TENM2: variants seen among roughly 807,000 people sequenced by gnomAD.
TENM2 encodes teneurin transmembrane protein 2, also known as teneurin-2.
Under a neutral mutation model 245.2 loss-of-function variants are expected in TENM2, and 52 were observed. The ratio of observed to expected loss-of-function variants is 0.21; its 90% CI spans 0.17 to 0.27. TENM2 has a LOEUF of 0.27. Ranked by LOEUF, TENM2 falls within the 10% of genes least tolerant of loss-of-function variation. The pLI is 1.00. For missense variants in TENM2, 3,046 were observed against 3,666.8 expected, an observed-to-expected ratio of 0.83 and a Z score of 4.37; for synonymous variants, 1,363 against 1,438.9, an observed-to-expected ratio of 0.95 and a Z score of 1.19.
At chr5:168,180,039 G>C (rs1759726993) in intron 13 of TENM2, among the ~76,000 whole-genome samples, 1 of 152,204 alleles carries the variant, frequency 6.6e-6, no homozygotes, top group Non-Finnish European at 1.5e-5. Flanking sequence ...GAACTGATAT[G>C]CTAGTAGTAC....
the TENM2 span, among the ~76,000 whole-genome samples, chr5:167,161,251 A>G: frequency 6.6e-6 from 1 of 152,198 alleles, no homozygotes; most frequent in East Asian, 1.9e-4. Context: ...CATGAAAATA[A>G]TATTTTGTGG....
chr5:168,064,880 G>T (rs1257925185), intron 7 of TENM2, among the ~76,000 whole-genome samples: 1 of 152,166 alleles, frequency 6.6e-6, no homozygotes, highest in Admixed American at 6.5e-5. Context: ...AAGAAAGAAA[G>T]AAAAAGACTC....
the TENM2 span, among the ~76,000 whole-genome samples, chr5:167,190,669 T>G: frequency 6.6e-6 from 1 of 152,130 alleles, no homozygotes; most frequent in Non-Finnish European, 1.5e-5. Context: ...ATAATACAAT[T>G]TCTAGGTCTA....
intron 2 of TENM2, among the ~76,000 whole-genome samples, chr5:167,493,130 C>A (rs984374014): frequency 2.4e-4 from 36 of 151,934 alleles, no homozygotes; most frequent in Admixed American, 2.4e-3. Context: ...ATCATTCATT[C>A]AAGAAACCTT....
At position 167,416,130 on chromosome 5, in the gene TENM2, C is replaced by T. The variant is rs184401989; in HGVS notation, c.502+40657C>T. Among the ~76,000 whole-genome samples the T allele has an allele frequency of 1.0e-3, 159 of 152,238 alleles. 1 individual carries two copies. The highest frequency in any genetic ancestry group is 3.6e-3 in the African/African-American group (151 of 41,550). On this transcript the variant is annotated intron_variant, in intron 2 of 28. Coordinates refer to ENST00000518659, the Ensembl canonical transcript of TENM2. ...TAAGAGTGAAGGGGGTGCTTAGCAG[C>T]GATTCAGGAAGAAATCAAAAGTCTC...
chr5:168,128,722 A>G (rs1236091765), intron 12 of TENM2: 4 of 152,268 alleles, frequency 2.6e-5, no homozygotes, highest in East Asian at 1.9e-4. Flanking sequence ...CTGTTTTTCC[A>G]TGGCTTGCCA....
chr5:167,754,788 G>A, intron 2 of TENM2: 1 of 327,582 alleles, frequency 3.1e-6, no homozygotes, highest in Non-Finnish European at 5.6e-6. Flanking sequence ...AAATGTCAGA[G>A]ACATTACATG....
At chr5:167,214,576 C>G in the TENM2 span, among the ~76,000 whole-genome samples, 1 of 152,044 alleles carries the variant, frequency 6.6e-6, no homozygotes, top group African/African-American at 2.4e-5. Flanking sequence ...GGGTATGTAA[C>G]CAATAGTCTT....
At chr5:168,196,272 C>G (rs1279622159) in intron 15 of TENM2, among the ~76,000 whole-genome samples, 1 of 152,100 alleles carries the variant, frequency 6.6e-6, no homozygotes, top group African/African-American at 2.4e-5. Flanking sequence ...CTTCACTCTC[C>G]CACCTCTGAA....
At chr5:167,762,177 G>T (rs1026477449) in intron 2 of TENM2, among the ~76,000 whole-genome samples, 1 of 151,920 alleles carries the variant, frequency 6.6e-6, no homozygotes, top group East Asian at 1.9e-4. Flanking sequence ...AAACACACAC[G>T]TGCACGTGCA....
chr5:167,566,263 C>A (rs540512111), intron 2 of TENM2, among the ~76,000 whole-genome samples: 140 of 151,738 alleles, frequency 9.2e-4, no homozygotes, highest in Non-Finnish European at 1.8e-3. Flanking sequence ...TGCAGAATTT[C>A]TTTGCAAATC....
In TENM2 at chr5:167,451,209, C is replaced by T. The variant is rs144413932; in HGVS notation, c.502+75736C>T. 2.5e-3 allele frequency among the ~76,000 whole-genome samples: 376 copies of T among 152,210 alleles called. 1 individual carries two copies. Among genetic ancestry groups the T allele is most frequent in the African/African-American group, 8.6e-3 (356 of 41,536 alleles). On this transcript the variant is annotated intron_variant, in intron 2 of 28. Transcript: ENST00000518659. ...TGTGCCGTTTCTCATATTTAAGCGA[C>T]GATATCTTGACCCCAAGATTGTCAG... is the stretch of plus-strand genomic sequence containing the variant.
chr5:167,523,412 A>G (rs1770895782), intron 2 of TENM2, among the ~76,000 whole-genome samples: 1 of 152,122 alleles, frequency 6.6e-6, no homozygotes, highest in African/African-American at 2.4e-5. Flanking sequence ...GGATCTTCCC[A>G]TTTTAAAGCA....
At chr5:168,069,515 C>A (rs779380138) in intron 7 of TENM2, among the ~76,000 whole-genome samples, 20 of 152,328 alleles carry the variant, frequency 1.3e-4, no homozygotes, top group Middle Eastern at 6.8e-3. Flanking sequence ...GATGTCTAAA[C>A]CCACTTGGAA....
At chr5:167,772,075 T>C (rs570603374) in intron 2 of TENM2, among the ~76,000 whole-genome samples, 2 of 152,262 alleles carry the variant, frequency 1.3e-5, no homozygotes, top group African/African-American at 2.4e-5. Context: ...CTTCCTGAAA[T>C]GAAAGTGGCA....
intron 16 of TENM2, 71 bp downstream of exon 18, chr5:168,199,185 C>T: frequency 6.8e-7 from 1 of 1,470,040 alleles, no homozygotes; most frequent in South Asian, 1.3e-5. Flanking sequence ...ACTGCCTCTC[C>T]CCGAGTGGAC....
At chr5:167,979,604 A>G (rs1345787431) in intron 4 of TENM2, among the ~76,000 whole-genome samples, 1 of 152,220 alleles carries the variant, frequency 6.6e-6, no homozygotes, top group Non-Finnish European at 1.5e-5. Context: ...AGAAACTCTT[A>G]GAAATTAATC....
intron 1 of TENM2, among the ~76,000 whole-genome samples, chr5:167,366,279 G>A (rs1047126979): frequency 5.9e-5 from 9 of 152,032 alleles, no homozygotes; most frequent in African/African-American, 9.7e-5. Context: ...AAGCATAAAT[G>A]AAATGGGCAC....
the TENM2 span, among the ~76,000 whole-genome samples, chr5:167,166,444 G>C: frequency 1.3e-5 from 2 of 152,148 alleles, no homozygotes; most frequent in African/African-American, 4.8e-5. Flanking sequence ...CTGGATGTGG[G>C]ACTCTCTGTC....
Sources: gnomAD v4.1 joint callset for allele counts (sites outside exome capture counted in the v4.1 genomes callset) on GRCh38, gnomAD v4.1.1 for gene constraint, MANE v1.5 for transcripts, NCBI Gene and HGNC (gene_info 2026-07-23, HGNC 2026-07-21) for gene names.